Variants in GALNT17 observed in about 807,000 individuals in gnomAD.
GALNT17 encodes the protein UDP-GalNAc:polypeptide N-acetylgalactosaminyltransferase-like 3.
GALNT17 carries 29 observed loss-of-function variants against 63.7 expected under a neutral mutation model. That is an observed-to-expected ratio of 0.46 (90% CI 0.34 to 0.62). The LOEUF (loss-of-function observed/expected upper bound fraction) is 0.62. Ranked by LOEUF, GALNT17 falls within the 20% of genes least tolerant of loss-of-function variation. The probability of loss-of-function intolerance (pLI) is 0.01; values close to 1 mark genes in which losing one functional copy is unlikely to be tolerated. For synonymous variants in GALNT17, 305 were observed against 318.3 expected (o/e 0.96, Z 0.45); for missense variants, 603 against 799.6 (o/e 0.75, Z 2.97).
At chr7:71,505,266 C>T (rs1208618604) in intron 5 of GALNT17, among the ~76,000 whole-genome samples, 1 of 152,124 alleles carries the variant, frequency 6.6e-6, no homozygotes, top group Non-Finnish European at 1.5e-5. Flanking sequence ...TCATATCTTC[C>T]CTCTCCTGCC....
chr7:71,604,249 GT>G (rs1790014238), intron 6 of GALNT17, among the ~76,000 whole-genome samples: 1 of 119,662 alleles, frequency 8.4e-6, no homozygotes, highest in Non-Finnish European at 2.0e-5. Context: ...TGCTAAGTGC[GT>G]ATACGAGGTA....
At chr7:71,271,451 G>A (rs965826610) in intron 1 of GALNT17, among the ~76,000 whole-genome samples, 1 of 152,194 alleles carries the variant, frequency 6.6e-6, no homozygotes, top group Non-Finnish European at 1.5e-5. Context: ...GGTTTGTTCT[G>A]AGATAACCTC....
intron 6 of GALNT17, among the ~76,000 whole-genome samples, chr7:71,662,014 A>T (rs904772743): frequency 6.6e-6 from 1 of 151,980 alleles, no homozygotes; most frequent in Admixed American, 6.6e-5. Context: ...TCCACTCCTA[A>T]CAGCTACATC....
chr7:71,413,862 A>G (rs1297701559), intron 3 of GALNT17, among the ~76,000 whole-genome samples: 1 of 148,152 alleles, frequency 6.7e-6, no homozygotes, highest in Non-Finnish European at 1.5e-5. Flanking sequence ...ATGTTTCCAT[A>G]CACTGTTGTT....
chr7:71,303,499 A>G (rs1255633264), intron 1 of GALNT17, among the ~76,000 whole-genome samples: 1 of 152,106 alleles, frequency 6.6e-6, no homozygotes, highest in African/African-American at 2.4e-5. Context: ...GTCTGTGTAA[A>G]TGGATGAGGG....
intron 2 of GALNT17, among the ~76,000 whole-genome samples, chr7:71,355,214 G>A (rs1484069382): frequency 6.6e-6 from 1 of 151,844 alleles, no homozygotes; most frequent in African/African-American, 2.4e-5. Flanking sequence ...GTTTATTATT[G>A]CCTTCCTTGT....
chr7:71,357,868 A>G (rs1195748501), intron 2 of GALNT17, among the ~76,000 whole-genome samples: 2 of 152,180 alleles, frequency 1.3e-5, no homozygotes, highest in Admixed American at 1.3e-4. Flanking sequence ...GCTTTGTAAA[A>G]TGCACCAATC....
chr7:71,679,848 G>T (rs1791212430), intron 9 of GALNT17, among the ~76,000 whole-genome samples: 1 of 151,822 alleles, frequency 6.6e-6, no homozygotes, highest in South Asian at 2.1e-4. Flanking sequence ...GGGTCTGAGA[G>T]TTTGCTTTTG....
chr7:71,387,254 G>A (rs1040034305), intron 2 of GALNT17, among the ~76,000 whole-genome samples: 3 of 140,654 alleles, frequency 2.1e-5, no homozygotes, highest in Non-Finnish European at 3.1e-5. Flanking sequence ...ACTTTTAATG[G>A]CATTAAAAGT....
intron 2 of GALNT17, among the ~76,000 whole-genome samples, chr7:71,344,552 A>T (rs933392485): frequency 6.6e-6 from 1 of 152,130 alleles, no homozygotes; most frequent in Admixed American, 6.6e-5. Flanking sequence ...TTATTATTAT[A>T]ATTTCTTTTT....
At chr7:71,691,368 T>C (rs1265027927) in intron 9 of GALNT17, among the ~76,000 whole-genome samples, 1 of 152,238 alleles carries the variant, frequency 6.6e-6, no homozygotes, top group Non-Finnish European at 1.5e-5. Flanking sequence ...GTCTACAGTA[T>C]AGTGTAAACA....
chr7:71,617,730 C>T (rs1790235609), intron 6 of GALNT17, among the ~76,000 whole-genome samples: 1 of 151,950 alleles, frequency 6.6e-6, no homozygotes, highest in African/African-American at 2.4e-5. Flanking sequence ...GCAACCTCCA[C>T]CTCCCTGGTT....
intron 5 of GALNT17, among the ~76,000 whole-genome samples, chr7:71,435,926 A>AG (rs1177156419): frequency 1.3e-5 from 2 of 149,292 alleles, no homozygotes; most frequent in African/African-American, 4.9e-5. Context: ...AGGCTGAGGC[A>AG]GGAGAATGGC....
chr7:71,677,148 G>A, intron 8 of GALNT17, 63 bp from the exon 9 acceptor site: 1 of 1,549,082 alleles, frequency 6.5e-7, no homozygotes. Flanking sequence ...GTAGAACAGT[G>A]ACTCGGCATC....
chr7:71,532,208 C>T (rs1377983110), intron 5 of GALNT17, among the ~76,000 whole-genome samples: 1 of 152,092 alleles, frequency 6.6e-6, no homozygotes, highest in African/African-American at 2.4e-5. Flanking sequence ...CTGCTTGTGC[C>T]TCCCATTGGC....
chr7:71,511,830 T>C (rs7805349), intron 5 of GALNT17, among the ~76,000 whole-genome samples: 149,579 of 152,102 alleles, frequency 0.98, 73,554 homozygotes, highest in East Asian at 1. Flanking sequence ...TGCCCAGGGG[T>C]CCCTTCTCTT....
Position 71,530,723 on chromosome 7 carries a change from A to C in GALNT17, c.963-40562A>C, listed in dbSNP as rs550838475. On this transcript the variant is annotated intron_variant, in intron 5 of 10. Coordinates refer to ENST00000333538, the MANE Select transcript of GALNT17 (RefSeq NM_022479.3). ...GCTGGGACTACAGGCGCCCGCCTAC[A>C]GGCCTGGCTAATTTTTTCTATTTTT... Among the ~76,000 whole-genome samples, 61 of 152,150 alleles carry C rather than the reference A, an allele frequency of 4.0e-4. No homozygotes were observed. In the South Asian group the frequency reaches 0.012, roughly 31 times the overall value.
At chr7:71,438,886 T>A (rs1041665652) in intron 5 of GALNT17, among the ~76,000 whole-genome samples, 1 of 123,946 alleles carries the variant, frequency 8.1e-6, no homozygotes, top group Non-Finnish European at 1.6e-5. Context: ...AAAGATAGAC[T>A]TTTTTTTTTT....
intron 1 of GALNT17, among the ~76,000 whole-genome samples, chr7:71,321,649 G>A (rs13236986): frequency 1.4e-5 from 2 of 147,062 alleles, no homozygotes; most frequent in African/African-American, 5.1e-5. Context: ...GCTCTGTCAC[G>A]CAGGCTGGAG....
Sources: allele counts gnomAD v4.1 joint callset (sites outside exome capture counted in the v4.1 genomes callset), GRCh38; gene constraint gnomAD v4.1.1; transcripts MANE v1.5; gene names NCBI Gene and HGNC (gene_info 2026-07-23, HGNC 2026-07-21).